Variants in PIGU observed in about 807,000 individuals in gnomAD.
PIGU encodes the protein GPI-anchor transamidase component PIGU.
In PIGU, 24 loss-of-function variants were observed where a neutral mutation model predicts 49.9. That is an observed-to-expected ratio of 0.48 (90% CI 0.35 to 0.68). The LOEUF is 0.68. Ranked by LOEUF, PIGU falls within the 30% of genes least tolerant of loss-of-function variation. The pLI, the probability that PIGU is intolerant of heterozygous loss-of-function variation, is 0.01. For missense variants in PIGU, 490 were observed against 532.6 expected, an observed-to-expected ratio of 0.92 and a Z score of 0.79; for synonymous variants, 220 against 205.7, an observed-to-expected ratio of 1.07 and a Z score of -0.59.
chr20:34,596,345 G>C (rs189712775), intron 7 of PIGU, among the ~76,000 whole-genome samples: 40 of 152,248 alleles, frequency 2.6e-4, no homozygotes, highest in African/African-American at 9.4e-4. Flanking sequence ...AATGCAATGT[G>C]GGACCTAAAT....
intron 1 of PIGU, among the ~76,000 whole-genome samples, chr20:34,666,255 G>C (rs971613222): frequency 6.6e-6 from 1 of 151,916 alleles, no homozygotes. Flanking sequence ...GCCTATTAGG[G>C]GGAAAAAACA....
intron 6 of PIGU, among the ~76,000 whole-genome samples, chr20:34,627,547 G>A (rs910783037): frequency 6.6e-6 from 1 of 150,516 alleles, no homozygotes; most frequent in Non-Finnish European, 1.5e-5. Context: ...AAACCTTTTC[G>A]TTGACTTACA....
intron 1 of PIGU, among the ~76,000 whole-genome samples, chr20:34,664,421 G>A (rs781603491): frequency 1.4e-4 from 22 of 152,288 alleles, no homozygotes; most frequent in Middle Eastern, 3.4e-3. Context: ...ACAGTTGACC[G>A]GGCACAGTGG....
chr20:34,637,020 T>C (rs575358189), intron 5 of PIGU, among the ~76,000 whole-genome samples: 1 of 152,276 alleles, frequency 6.6e-6, no homozygotes, highest in African/African-American at 2.4e-5. Context: ...CTGAAATACA[T>C]AGATTAGAAC....
intron 6 of PIGU, among the ~76,000 whole-genome samples, chr20:34,630,483 G>T (rs8117144): frequency 0.016 from 2,486 of 152,188 alleles, 82 homozygotes; most frequent in African/African-American, 0.058. Flanking sequence ...CTGAATAGTT[G>T]CAAAGGAAAA....
chr20:34,623,431 C>T (rs932664022), intron 6 of PIGU, among the ~76,000 whole-genome samples: 1 of 152,176 alleles, frequency 6.6e-6, no homozygotes, highest in Admixed American at 6.5e-5. Context: ...TGACTGTAAG[C>T]ACTTTACTTG....
intron 6 of PIGU, among the ~76,000 whole-genome samples, chr20:34,633,300 T>TA: frequency 6.6e-6 from 1 of 151,940 alleles, no homozygotes; most frequent in East Asian, 1.9e-4. Flanking sequence ...CCTGTCTCTA[T>TA]AAAAAATACA....
intron 6 of PIGU, among the ~76,000 whole-genome samples, chr20:34,630,324 TTAAA>T (rs2146755249): frequency 6.6e-6 from 1 of 152,096 alleles, no homozygotes; most frequent in Admixed American, 6.6e-5. Flanking sequence ...AGCAATGAGA[TTAAA>T]TAAAGTCTCC....
At chr20:34,665,221 T>G (rs1600672122) in intron 1 of PIGU, among the ~76,000 whole-genome samples, 1 of 136,794 alleles carries the variant, frequency 7.3e-6, no homozygotes, top group South Asian at 2.5e-4. Flanking sequence ...TTTTTTTTTT[T>G]GAGACTGAGT....
chr20:34,577,348 T>A (rs1018656582), intron 10 of PIGU, among the ~76,000 whole-genome samples: 1 of 152,142 alleles, frequency 6.6e-6, no homozygotes, highest in Non-Finnish European at 1.5e-5. Flanking sequence ...TACAACTTAG[T>A]AGAGATGCTA....
At chr20:34,640,179 G>A (rs1039867045) in intron 4 of PIGU, among the ~76,000 whole-genome samples, 5 of 152,192 alleles carry the variant, frequency 3.3e-5, no homozygotes, top group African/African-American at 1.2e-4. Flanking sequence ...TACATCCTGG[G>A]CAAAGGTGAC....
At chr20:34,619,413 A>G (rs748531042) in intron 6 of PIGU, among the ~76,000 whole-genome samples, 12 of 152,230 alleles carry the variant, frequency 7.9e-5, no homozygotes, top group Non-Finnish European at 1.6e-4. Context: ...GATTGGGTCA[A>G]AAATCTGAAT....
chr20:34,677,046 TCA>T lies in PIGU; in HGVS notation c.38_39del (p.Val13AspfsTer33). The T allele has an allele frequency of 6.3e-7, 1 of 1,575,202 alleles. No individual in the cohort carries two copies. Among genetic ancestry groups the T allele is most frequent in the Non-Finnish European group, 8.6e-7 (1 of 1,160,806 alleles). On this transcript the variant is annotated frameshift_variant, in exon 1 of 12. Coordinates refer to ENST00000217446, the MANE Select transcript of PIGU (RefSeq NM_080476.5). LOFTEE classifies it high-confidence loss of function. ...APLVLVLVVA[V>X]TVRAALFRSS... is the part of the protein sequence containing the mutation. Reference sequence around the variant, plus strand: ...GAGCGGAACAAGGCCGCCCGCACTGTCACAGCCACCACCAGCACCAGGACCAA... The same window carrying T: ...GAGCGGAACAAGGCCGCCCGCACTGTCAGCCACCACCAGCACCAGGACCAA...
intron 10 of PIGU, among the ~76,000 whole-genome samples, chr20:34,577,471 T>C (rs1446661693): frequency 1.3e-5 from 2 of 152,090 alleles, no homozygotes; most frequent in African/African-American, 4.8e-5. Flanking sequence ...ATCCCAGCAC[T>C]TTGGGAGGCT....
chr20:34,630,480 G>A (rs1273228654), intron 6 of PIGU, among the ~76,000 whole-genome samples: 1 of 152,060 alleles, frequency 6.6e-6, no homozygotes, highest in African/African-American at 2.4e-5. Flanking sequence ...AAACTGAATA[G>A]TTGCAAAGGA....
intron 7 of PIGU, among the ~76,000 whole-genome samples, chr20:34,590,846 C>G (rs913747125): frequency 6.6e-6 from 1 of 151,802 alleles, no homozygotes; most frequent in Non-Finnish European, 1.5e-5. Flanking sequence ...CATGGTGAAA[C>G]CCCGTCTCTA....
chr20:34,644,287 G>A (rs376821031), intron 3 of PIGU, 61 bp from the exon 4 acceptor site: 25 of 1,383,440 alleles, frequency 1.8e-5, no homozygotes, highest in Non-Finnish European at 2.4e-5. Flanking sequence ...GTACTAGAGT[G>A]CTACCAGGGC....
At chr20:34,671,086 C>T (rs765380067) in intron 1 of PIGU, among the ~76,000 whole-genome samples, 3 of 152,114 alleles carry the variant, frequency 2.0e-5, no homozygotes, top group Non-Finnish European at 2.9e-5. Context: ...ATATTATTAG[C>T]GAGGTCACCT....
chr20:34,629,387 T>C (rs1985615816), intron 6 of PIGU, among the ~76,000 whole-genome samples: 2 of 152,196 alleles, frequency 1.3e-5, no homozygotes, highest in Non-Finnish European at 2.9e-5. Flanking sequence ...AAAAAGTGCA[T>C]GCCTGACTAG....
Sources: allele counts gnomAD v4.1 joint callset (sites outside exome capture counted in the v4.1 genomes callset), GRCh38; gene constraint gnomAD v4.1.1; transcripts MANE v1.5; gene names NCBI Gene and HGNC (gene_info 2026-07-23, HGNC 2026-07-21).